The following PARD3B variants were observed in gnomAD, a reference collection of about 807,000 sequenced individuals.
PARD3B encodes par-3 family cell polarity regulator beta.
Under a neutral mutation model 130.2 loss-of-function variants are expected in PARD3B, and 103 were observed. The observed-to-expected ratio is 0.79, with a 90% CI of 0.67 to 0.93. The LOEUF (loss-of-function observed/expected upper bound fraction) is 0.93, where lower values mean the gene tolerates loss of function less well. PARD3B is among the 40% of genes least tolerant of loss of function. PARD3B has a pLI of 0.00. For synonymous variants in PARD3B, 583 were observed against 553.2 expected (o/e 1.05, Z -0.76); for missense variants, 1,609 against 1,499.2 (o/e 1.07, Z -1.21).
At chr2:204,640,601 C>T (rs144128837) in intron 1 of PARD3B, among the ~76,000 whole-genome samples, 13 of 152,288 alleles carry the variant, frequency 8.5e-5, no homozygotes, top group African/African-American at 3.1e-4. Flanking sequence ...TGAGATACTG[C>T]ACTGTCCCTT....
chr2:204,743,630 T>C (rs1428264364), intron 2 of PARD3B, among the ~76,000 whole-genome samples: 1 of 152,208 alleles, frequency 6.6e-6, no homozygotes, highest in East Asian at 1.9e-4. Flanking sequence ...TCTAACTTCC[T>C]TCTTATTGCT....
chr2:205,044,708 T>C (rs922887845), intron 3 of PARD3B, among the ~76,000 whole-genome samples: 73 of 152,302 alleles, frequency 4.8e-4, no homozygotes, highest in African/African-American at 1.3e-3. Context: ...ATTAGCCCTT[T>C]GTCAGATGAG....
At chr2:205,285,174 G>A (rs377516755) in intron 16 of PARD3B, among the ~76,000 whole-genome samples, 7 of 152,096 alleles carry the variant, frequency 4.6e-5, no homozygotes, top group Admixed American at 1.3e-4. Flanking sequence ...GGAGGCTGAC[G>A]TTTGTAAAAG....
At chr2:205,070,791 T>C (rs1288365315) in intron 4 of PARD3B, among the ~76,000 whole-genome samples, 3 of 152,196 alleles carry the variant, frequency 2.0e-5, no homozygotes, top group African/African-American at 7.2e-5. Flanking sequence ...GAACTAACTT[T>C]GTCACTACGT....
At chr2:204,714,800 GTATCTACTACCTAAT>G (rs1339423199) in intron 2 of PARD3B, among the ~76,000 whole-genome samples, 1 of 152,112 alleles carries the variant, frequency 6.6e-6, no homozygotes, top group Non-Finnish European at 1.5e-5. Flanking sequence ...CAAGTCATCA[GTATCTACTACCTAAT>G]CACTTTGCTT....
chr2:205,018,749 A>AAAAAAAAAAAAAAG (rs1559359658), intron 3 of PARD3B, among the ~76,000 whole-genome samples: 2 of 120,026 alleles, frequency 1.7e-5, no homozygotes, highest in African/African-American at 2.9e-5. Flanking sequence ...AAAAAAAAAA[A>AAAAAAAAAAAAAAG]AGCACGCTGA....
intron 4 of PARD3B, among the ~76,000 whole-genome samples, chr2:205,069,666 G>A (rs1575696391): frequency 6.6e-6 from 1 of 151,984 alleles, no homozygotes; most frequent in Admixed American, 6.6e-5. Context: ...GTCTTACCCT[G>A]GGTTGTCTGA....
At chr2:205,074,961 T>G (rs1700950206) in intron 4 of PARD3B, among the ~76,000 whole-genome samples, 1 of 152,234 alleles carries the variant, frequency 6.6e-6, no homozygotes, top group South Asian at 2.1e-4. Context: ...TTATAATTGT[T>G]AAGTGTTCTG....
intron 2 of PARD3B, among the ~76,000 whole-genome samples, chr2:204,755,130 A>T (rs757751176): frequency 6.6e-6 from 1 of 152,126 alleles, no homozygotes; most frequent in Non-Finnish European, 1.5e-5. Context: ...TATTAACATC[A>T]GAACTCCAGT....
rs2039486021 is a variant in PARD3B at position 205,244,483 on chromosome 2, CA to C, written c.2141-1294del. On this transcript the variant is annotated intron_variant, in intron 15 of 22. Transcript: ENST00000406610. The surrounding 1 kb of genome is among the most constrained non-coding windows in gnomAD (Gnocchi z 4.7). Reference sequence around the variant, plus strand: ...GGATGTGGGTTAGCAGTTTTCATATCATGTATTTTTCTGATATTAGTTAGTA... The same window carrying C: ...GGATGTGGGTTAGCAGTTTTCATATCTGTATTTTTCTGATATTAGTTAGTA... Among the ~76,000 whole-genome samples the C allele has an allele frequency of 6.6e-6, 1 of 152,180 alleles. No individual in the cohort carries two copies. The highest frequency in any genetic ancestry group is 6.5e-5 in the Admixed American group (1 of 15,278).
At chr2:205,113,453 C>A (rs927377822) in intron 5 of PARD3B, 38 bp from the exon 6 acceptor site, 3 of 1,457,898 alleles carry the variant, frequency 2.1e-6, no homozygotes, top group Non-Finnish European at 2.9e-6. Flanking sequence ...TGTTTTTTAG[C>A]AGACACTCAT....
chr2:205,025,007 G>A (rs1452149098), intron 3 of PARD3B, among the ~76,000 whole-genome samples: 1 of 152,108 alleles, frequency 6.6e-6, no homozygotes, highest in Non-Finnish European at 1.5e-5. Context: ...GAAGATGACC[G>A]ACATTTTAGA....
intron 4 of PARD3B, among the ~76,000 whole-genome samples, chr2:205,069,849 C>G (rs898758255): frequency 2.6e-5 from 4 of 152,016 alleles, no homozygotes; most frequent in African/African-American, 7.3e-5. Context: ...TAGAGCACCT[C>G]AGTAAAGAGC....
intron 22 of PARD3B, among the ~76,000 whole-genome samples, chr2:205,601,940 C>T (rs768534808): frequency 1.3e-5 from 2 of 152,158 alleles, no homozygotes; most frequent in Non-Finnish European, 2.9e-5. Flanking sequence ...GAGGGGGCAT[C>T]CTTGTCTTGT....
intron 2 of PARD3B, among the ~76,000 whole-genome samples, chr2:204,811,844 A>G (rs535310696): frequency 1.3e-5 from 2 of 152,276 alleles, no homozygotes; most frequent in Middle Eastern, 3.4e-3. Context: ...TAATGTTTGC[A>G]TAAACCTTTT....
chr2:205,109,470 A>C (rs1703465762), intron 5 of PARD3B, among the ~76,000 whole-genome samples: 1 of 152,180 alleles, frequency 6.6e-6, no homozygotes, highest in Non-Finnish European at 1.5e-5. Flanking sequence ...CAATAGAAAA[A>C]AATGGATTAT....
intron 18 of PARD3B, among the ~76,000 whole-genome samples, chr2:205,322,886 C>G (rs1175208411): frequency 9.7e-6 from 1 of 102,892 alleles, no homozygotes; most frequent in African/African-American, 3.2e-5. Context: ...ATTATTAACA[C>G]CTCTTTTTTT....
chr2:204,883,405 T>TAA (rs2046127746), intron 2 of PARD3B, among the ~76,000 whole-genome samples: 1 of 101,310 alleles, frequency 9.9e-6, no homozygotes, highest in Non-Finnish European at 2.1e-5. Context: ...TATATATATA[T>TAA]TATATATATA....
Position 204,856,468 on chromosome 2 carries a change from AT to A in PARD3B, c.223-108680del, listed in dbSNP as rs777504680. Among the ~76,000 whole-genome samples the A allele has an allele frequency of 1.1e-4, 16 of 152,070 alleles. No individual in the cohort carries two copies. The East Asian group carries it at 2.5e-3, about 24-fold the overall frequency. On this transcript the variant is annotated intron_variant, in intron 2 of 22. Transcript: ENST00000406610. ...CTTATCAGATGGACGGTTTGCAAAT[AT>A]TTTCTCCCAATCTAGGTTGTATCTT...
Sources: allele counts gnomAD v4.1 joint callset (sites outside exome capture counted in the v4.1 genomes callset), GRCh38; gene constraint gnomAD v4.1.1; non-coding constraint Gnocchi (gnomAD v3.1); transcripts MANE v1.5; gene names NCBI Gene and HGNC (gene_info 2026-07-23, HGNC 2026-07-21).